The following SLC5A6 variants were observed in gnomAD, a reference collection of about 807,000 sequenced individuals.
SLC5A6 encodes sodium-dependent multivitamin transporter.
SLC5A6 carries 31 observed loss-of-function variants against 67.9 expected under a neutral mutation model. That is an observed-to-expected ratio of 0.46 (90% CI 0.34 to 0.62). The LOEUF (loss-of-function observed/expected upper bound fraction) is 0.62, where lower values mean the gene tolerates loss of function less well. SLC5A6 is among the 20% of genes least tolerant of loss of function. SLC5A6 has a pLI of 0.01. For synonymous variants in SLC5A6, 343 were observed against 331.0 expected, an observed-to-expected ratio of 1.04 and a Z score of -0.39; for missense variants, 673 against 812.8, an observed-to-expected ratio of 0.83 and a Z score of 2.09.
In SLC5A6 at chr2:27,207,732, C is replaced by G. The variant is rs985453664; in HGVS notation, c.-82G>C. 1.0e-5 allele frequency: 14 copies of G among 1,361,490 alleles called. No individual in the cohort carries two copies. The Admixed American group carries it at 2.4e-4, about 24-fold the overall frequency. 84.3% of individuals were successfully genotyped at this position (1,361,490 alleles called of 1,614,324 possible). A position where few individuals can be genotyped will look rare whatever the true frequency, so the allele number is the denominator to read the frequency against. ...GCAGGGGCGGATGTGTGGCTACAAT[C>G]TGGCTTCCAGCCACAGTCTCACAGT... is the stretch of plus-strand genomic sequence containing the variant. On this transcript the variant is annotated 5_prime_UTR_variant, in exon 3 of 17. Transcript: ENST00000310574. The surrounding 1 kb of genome is among the most constrained non-coding windows in gnomAD (Gnocchi z 5.5).
chr2:27,201,603 C>A (rs1673638788), intron 14 of SLC5A6, 63 bp downstream of exon 14: 2 of 1,532,644 alleles, frequency 1.3e-6, no homozygotes, highest in Admixed American at 1.7e-5. Flanking sequence ...CTTAGCAAGA[C>A]CCCTGTGAAA....
chr2:27,204,485 C>T lies in SLC5A6; in HGVS notation c.981G>A (p.Gln327=), dbSNP rs1286747479. The T allele has an allele frequency of 1.2e-6, 2 of 1,613,814 alleles. No homozygotes were observed. Among genetic ancestry groups the T allele is most frequent in the Non-Finnish European group, 8.5e-7 (1 of 1,179,824 alleles). The change falls in exon 9 of 17, where the codon CAG becomes CAA. Residue 327 remains glutamine, a synonymous_variant. Coordinates refer to ENST00000310574, the MANE Select transcript of SLC5A6 (RefSeq NM_021095.4). ...CCTGGTCTGGGGCTGCCTGAGCCTGCTGAATGCTCATGGGATACTCCTGGT... is the reference window on the plus strand; with the variant it reads ...CCTGGTCTGGGGCTGCCTGAGCCTGTTGAATGCTCATGGGATACTCCTGGT... The part of the protein sequence containing the change: ...AYYQEYPMSI[Q]QAQAAPDQFV...
rs754114054 is a variant in SLC5A6, at chr2:27,203,263, C to T, written c.1177G>A (p.Ala393Thr). ...CCTCTGGAAAGCATGATGGCCCGGG[C>T]TTCAGAGAACTCAGGGAACCAAGGT... ...IRPWFPEFSEARAIMLSRGLA... is the reference protein window; with the variant it reads ...IRPWFPEFSETRAIMLSRGLA... Residue 393 changes from alanine to threonine, a missense_variant, in exon 11 of 17, where the codon GCC becomes ACC. Transcript: ENST00000310574. 6.2e-7 allele frequency: 1 copy of T among 1,614,162 alleles called. No homozygotes were observed. The highest frequency in any genetic ancestry group is 1.1e-5 in the South Asian group (1 of 91,086).
chr2:27,212,639 C>T (rs1194282795), upstream of SLC5A6: 2 of 1,404,908 alleles, frequency 1.4e-6, no homozygotes, highest in Non-Finnish European at 1.8e-6. Flanking sequence ...GTCGTGCAGG[C>T]CTTCGGCGCC....
rs1174005457 is a variant in SLC5A6 at position 27,200,556 on chromosome 2, A to G, written c.1788T>C (p.Phe596=). 5 of 1,613,774 alleles carry G rather than the reference A, an allele frequency of 3.1e-6. No homozygotes were observed. The Admixed American group carries it at 5.0e-5, about 16-fold the overall frequency. The change falls in exon 17 of 17, where the codon TTT becomes TTC. Residue 596 remains phenylalanine, a synonymous_variant. Coordinates refer to ENST00000310574, the MANE Select transcript of SLC5A6 (RefSeq NM_021095.4). ...YGQDHLDTGL[F]PEKPRNGVLG... ...GCACACCATTCCTCGGCTTCTCAGG[A>G]AACAGGCCAGTGTCGAGGTGGTCCT...
At position 27,207,209 on chromosome 2, in the gene SLC5A6, T is replaced by C; in HGVS notation, c.393+49A>G. ...CCTTCCTATGTGCCTGTCCCTCCTC[T>C]CCACCCCAACCCGTGTCCCACGCAC... is the stretch of plus-strand genomic sequence containing the variant. On this transcript the variant is annotated intron_variant, in intron 3 of 16. Transcript: ENST00000310574. The surrounding 1 kb of genome is among the most constrained non-coding windows in gnomAD (Gnocchi z 5.5). The C allele has an allele frequency of 6.3e-7, 1 of 1,593,114 alleles. No individual in the cohort carries two copies. The highest frequency in any genetic ancestry group is 8.6e-7 in the Non-Finnish European group (1 of 1,167,092).
chr2:27,205,269 T>A (rs1444131172), intron 7 of SLC5A6, 81 bp downstream of exon 7: 26 of 1,409,882 alleles, frequency 1.8e-5, no homozygotes, highest in African/African-American at 2.9e-5. Context: ...ACCTTCTGCT[T>A]ACTATAGCCA....
Position 27,200,206 on chromosome 2 carries a change from G to A in SLC5A6, c.*230C>T. ...GCATGATCCTGCTCCCTACGAGCCT[G>A]ATCCTTTAAAAAACAGATTGGCAAG... On this transcript the variant is annotated 3_prime_UTR_variant, in exon 17 of 17. Transcript: ENST00000310574. 2.2e-6 allele frequency: 1 copy of A among 462,320 alleles called. No individual in the cohort carries two copies. Among genetic ancestry groups the A allele is most frequent in the Non-Finnish European group, 3.8e-6 (1 of 261,596 alleles). 28.6% of individuals were successfully genotyped at this position (462,320 alleles called of 1,614,324 possible). A position where few individuals can be genotyped will look rare whatever the true frequency, so the allele number is the denominator to read the frequency against.
intron 7 of SLC5A6, chr2:27,205,136 A>G (rs1408361667): frequency 1.4e-6 from 1 of 711,426 alleles, no homozygotes; most frequent in African/African-American, 1.8e-5. Flanking sequence ...GGCTCATTCC[A>G]GGTACTCATC....
Position 27,207,814 on chromosome 2 carries a change from G to A in SLC5A6, c.-140-24C>T. The A allele has an allele frequency of 1.5e-6, 1 of 664,862 alleles. No homozygotes were observed. Among genetic ancestry groups the A allele is most frequent in the African/African-American group, 1.8e-5 (1 of 55,192 alleles). 41.2% of individuals were successfully genotyped at this position (664,862 alleles called of 1,614,324 possible). ...AGCTGCAAAGGAATTAGCTCTTAGT[G>A]AGGCCTATCTGGCCTTGGTAGCCAT... On this transcript the variant is annotated intron_variant, in intron 2 of 16. Transcript: ENST00000310574. This position sits in a 1 kb window ranked among gnomAD's most constrained non-coding sequence, Gnocchi z 5.5.
upstream of SLC5A6, chr2:27,212,720 CT>C: frequency 8.4e-7 from 1 of 1,188,788 alleles, no homozygotes; most frequent in East Asian, 3.0e-5. Context: ...ACTTTAAGTT[CT>C]TTCTACAGAC....
At chr2:27,202,987 A>T in intron 11 of SLC5A6, 107 bp from the exon 12 acceptor site, 1 of 1,558,512 alleles carries the variant, frequency 6.4e-7, no homozygotes, top group South Asian at 1.2e-5. Context: ...GTCTCTCTGG[A>T]AACAAAAGGC....
Position 27,202,136 on chromosome 2 carries a change from C to T in SLC5A6, c.1276-62G>A. On this transcript the variant is annotated intron_variant, in intron 12 of 16. Coordinates refer to ENST00000310574, the MANE Select transcript of SLC5A6 (RefSeq NM_021095.4). Reference sequence around the variant, plus strand: ...ACAGACTCAGAGATGCCCAGACTCACCATAAAGCATAGCCACCAGCCATGA... The same window carrying T: ...ACAGACTCAGAGATGCCCAGACTCATCATAAAGCATAGCCACCAGCCATGA... 3.4e-6 allele frequency: 4 copies of T among 1,188,972 alleles called. No homozygotes were observed. The South Asian group carries it at 5.0e-5, about 15-fold the overall frequency. The allele number at this position is 1,188,972 out of a possible 1,614,324, so 73.7% of individuals were successfully genotyped here.
At chr2:27,212,364 G>A (rs1398054042), upstream of SLC5A6, 3 of 1,550,236 alleles carry the variant, frequency 1.9e-6, no homozygotes, top group Non-Finnish European at 2.6e-6. Flanking sequence ...CCAAGGGAAC[G>A]GAAAATGGCG....
rs919368775 is a variant in SLC5A6 at position 27,212,209 on chromosome 2, G to A, written c.-397C>T. 1 of 1,556,828 alleles carries A rather than the reference G, an allele frequency of 6.4e-7. No homozygotes were observed. The highest frequency in any genetic ancestry group is 8.7e-7 in the Non-Finnish European group (1 of 1,150,770). ...CCGAAAGAGGGCTAGGGCGCATGAA[G>A]ACCAGCGCAGAGCTCCACGAGCAGG... On this transcript the variant is annotated 5_prime_UTR_variant, in exon 1 of 17. Coordinates refer to ENST00000310574, the MANE Select transcript of SLC5A6 (RefSeq NM_021095.4).
At position 27,207,797 on chromosome 2, in the gene SLC5A6, A is replaced by G; in HGVS notation, c.-140-7T>C. The G allele has an allele frequency of 1.4e-6, 1 of 736,204 alleles. No homozygotes were observed. Among genetic ancestry groups the G allele is most frequent in the Non-Finnish European group, 2.2e-6 (1 of 456,640 alleles). 45.6% of individuals were successfully genotyped at this position (736,204 alleles called of 1,614,324 possible). ...TGATACTGTCCAGGGTGAGCTGCAA[A>G]GGAATTAGCTCTTAGTGAGGCCTAT... On this transcript the variant is annotated splice_polypyrimidine_tract_variant and splice_region_variant and intron_variant, in intron 2 of 16. Coordinates refer to ENST00000310574, the MANE Select transcript of SLC5A6 (RefSeq NM_021095.4). The surrounding 1 kb of genome is among the most constrained non-coding windows in gnomAD (Gnocchi z 5.5).
At position 27,203,771 on chromosome 2, in the gene SLC5A6, G is replaced by A; in HGVS notation, c.1094+8C>T. 6.2e-7 allele frequency: 1 copy of A among 1,610,216 alleles called. No individual in the cohort carries two copies. The highest frequency in any genetic ancestry group is 8.5e-7 in the Non-Finnish European group (1 of 1,176,412). On this transcript the variant is annotated splice_region_variant and intron_variant, in intron 10 of 16. Transcript: ENST00000310574. ...ACCAGGCCTGAGGGAAATCGTTAAA[G>A]TGGGTACCTGAGAGAGCCGCTGAAG...
In SLC5A6 at chr2:27,204,594, C is replaced by CA; in HGVS notation, c.876-5dup. 6.2e-7 allele frequency: 1 copy of CA among 1,613,790 alleles called. No individual in the cohort carries two copies. Among genetic ancestry groups the CA allele is most frequent in the Non-Finnish European group, 8.5e-7 (1 of 1,179,792 alleles). ...GGGGAACACTGCATAACAGGAGCTG[C>CA]AAAAGAGGTCAGTGCCAGGAGGAGA... On this transcript the variant is annotated splice_polypyrimidine_tract_variant and splice_region_variant and intron_variant, in intron 8 of 16. Coordinates refer to ENST00000310574, the MANE Select transcript of SLC5A6 (RefSeq NM_021095.4).
At chr2:27,203,073 C>T (rs1463009421) in intron 11 of SLC5A6, 160 bp downstream of exon 11, 5 of 1,494,030 alleles carry the variant, frequency 3.3e-6, no homozygotes, top group Non-Finnish European at 2.7e-6. Context: ...TAGGACATGC[C>T]CTGAGATGGA....
Sources: allele counts gnomAD v4.1 joint callset, GRCh38; gene constraint gnomAD v4.1.1; non-coding constraint Gnocchi (gnomAD v3.1); transcripts MANE v1.5; gene names NCBI Gene and HGNC (gene_info 2026-07-23, HGNC 2026-07-21).